Variants in SIPA1L2 observed in about 807,000 individuals in gnomAD.
SIPA1L2 encodes signal-induced proliferation-associated 1-like protein 2.
Under a neutral mutation model 163.9 loss-of-function variants are expected in SIPA1L2, and 56 were observed. That is an observed-to-expected ratio of 0.34 (90% confidence interval 0.28 to 0.43). The LOEUF is 0.43. SIPA1L2 is among the 20% of genes least tolerant of loss of function. SIPA1L2 has a pLI of 1.00. For synonymous variants in SIPA1L2, 877 were observed against 865.7 expected (o/e 1.01, Z -0.23); for missense variants, 1,974 against 2,193.5 (o/e 0.90, Z 2.00).
intron 2 of SIPA1L2, among the ~76,000 whole-genome samples, chr1:232,528,102 A>ATATAT (rs34779799): frequency 6.8e-5 from 8 of 118,490 alleles, no homozygotes; most frequent in African/African-American, 1.4e-4. Flanking sequence ...ATATATATAT[A>ATATAT]ATCAACTTTC....
rs1012264291 is a variant in SIPA1L2 at position 232,572,714 on chromosome 1, T to C, written c.-270+1460A>G. Among the ~76,000 whole-genome samples the C allele has an allele frequency of 3.8e-4, 28 of 73,402 alleles. 1 individual carries two copies. The highest frequency in any genetic ancestry group is 7.7e-4 in the South Asian group (1 of 1,304). 48.2% of individuals were successfully genotyped at this position (73,402 alleles called of 152,430 possible). A position where few individuals can be genotyped will look rare whatever the true frequency, so the allele number is the denominator to read the frequency against. ...ACATACATATATATATATATATATA[T>C]ATACACACATATATACATACATACA... On this transcript the variant is annotated intron_variant, in intron 2 of 22. Transcript: ENST00000674635.
intron 1 of SIPA1L2, among the ~76,000 whole-genome samples, chr1:232,598,220 A>G (rs1299641621): frequency 1.5e-5 from 2 of 134,842 alleles, no homozygotes; most frequent in African/African-American, 5.3e-5. Context: ...TGGGCAACAT[A>G]GTGAAACCCT....
At chr1:232,399,336 T>C in intron 22 of SIPA1L2, 63 bp from the exon 23 acceptor site, 1 of 1,545,678 alleles carries the variant, frequency 6.5e-7, no homozygotes. Flanking sequence ...CCTCCTAAGC[T>C]GGGCTACGAG....
chr1:232,541,495 C>T (rs1015826356), intron 2 of SIPA1L2, among the ~76,000 whole-genome samples: 1 of 152,172 alleles, frequency 6.6e-6, no homozygotes, highest in Admixed American at 6.5e-5. Flanking sequence ...TTTGATGAAC[C>T]AGATAGATAA....
intron 1 of SIPA1L2, among the ~76,000 whole-genome samples, chr1:232,627,145 C>T (rs529234498): frequency 2.6e-5 from 4 of 152,252 alleles, no homozygotes; most frequent in East Asian, 1.9e-4. Context: ...CCTCAACTAC[C>T]ACCATAAATT....
chr1:232,439,401 G>C lies in SIPA1L2; in HGVS notation c.3738C>G (p.Asp1246Glu). Reference protein sequence around the residue: ...NSDDKHFGSGDLMDPELLGLT... With the variant: ...NSDDKHFGSGELMDPELLGLT... ...GCCCCAGTAATTCGGGGTCCATCAGGTCGCCAGACCCAAAGTGCTTGTCGT... is the reference window on the plus strand; with the variant it reads ...GCCCCAGTAATTCGGGGTCCATCAGCTCGCCAGACCCAAAGTGCTTGTCGT... Residue 1246 changes from aspartate to glutamate, a missense_variant, in exon 15 of 23, where the codon GAC becomes GAG. Coordinates refer to ENST00000674635, the MANE Select transcript of SIPA1L2 (RefSeq NM_020808.5). 1 of 1,614,230 alleles carries C rather than the reference G, an allele frequency of 6.2e-7. No individual in the cohort carries two copies. Among genetic ancestry groups the C allele is most frequent in the African/African-American group, 1.3e-5 (1 of 75,064 alleles).
intron 5 of SIPA1L2, among the ~76,000 whole-genome samples, chr1:232,485,259 T>C (rs1163310281): frequency 1.3e-5 from 2 of 152,234 alleles, no homozygotes; most frequent in Non-Finnish European, 2.9e-5. Flanking sequence ...TGCTATGGCA[T>C]TGCAGTTCAT....
At chr1:232,589,467 A>G (rs1379630855) in intron 1 of SIPA1L2, among the ~76,000 whole-genome samples, 3 of 152,204 alleles carry the variant, frequency 2.0e-5, no homozygotes, top group South Asian at 2.1e-4. Context: ...CTGCCAATTA[A>G]TTACCATAGT....
rs370635949 is a variant in SIPA1L2 at position 232,409,251 on chromosome 1, T to C, written c.4763-5073A>G. On this transcript the variant is annotated intron_variant, in intron 19 of 22. Coordinates refer to ENST00000674635, the MANE Select transcript of SIPA1L2 (RefSeq NM_020808.5). ...ATTCAGGAAGCACCGTCATCTTTAC[T>C]ATGAAGCTTTCTATCCATTTCTAGT... Among the ~76,000 whole-genome samples the C allele has an allele frequency of 1.8e-4, 28 of 152,388 alleles. No homozygotes were observed. In the East Asian group the frequency reaches 5.4e-3, roughly 29 times the overall value.
chr1:232,447,772 A>C (rs1663303390), intron 10 of SIPA1L2, among the ~76,000 whole-genome samples: 1 of 152,248 alleles, frequency 6.6e-6, no homozygotes, highest in Admixed American at 6.5e-5. Context: ...CTAGGACAGA[A>C]CTGATCGAAC....
At chr1:232,452,936 C>T (rs617545) in intron 10 of SIPA1L2, among the ~76,000 whole-genome samples, 150,254 of 152,326 alleles carry the variant, frequency 0.99, 74,105 homozygotes, top group East Asian at 1. Flanking sequence ...AAGAAGTTCA[C>T]TACAAATAGA....
chr1:232,548,672 A>G (rs868693613), intron 2 of SIPA1L2, among the ~76,000 whole-genome samples: 1 of 152,196 alleles, frequency 6.6e-6, no homozygotes, highest in South Asian at 2.1e-4. Flanking sequence ...GAGTAGTGAA[A>G]AGAGGGACAC....
chr1:232,459,137 T>C (rs1187026429), intron 10 of SIPA1L2, among the ~76,000 whole-genome samples: 1 of 152,232 alleles, frequency 6.6e-6, no homozygotes, highest in Non-Finnish European at 1.5e-5. Flanking sequence ...AGGAAGACAG[T>C]GTAAGTGGCT....
At chr1:232,526,466 G>A (rs1667712661) in intron 2 of SIPA1L2, among the ~76,000 whole-genome samples, 1 of 152,188 alleles carries the variant, frequency 6.6e-6, no homozygotes, top group Non-Finnish European at 1.5e-5. Flanking sequence ...ACATTAGAGT[G>A]CTCAACCTAA....
At chr1:232,628,591 A>T (rs1336865698) in intron 1 of SIPA1L2, among the ~76,000 whole-genome samples, 3 of 152,262 alleles carry the variant, frequency 2.0e-5, no homozygotes, top group Non-Finnish European at 4.4e-5. Context: ...AACTTTGGGA[A>T]TGCCAAAAAT....
chr1:232,485,127 GT>G (rs1212632607), intron 5 of SIPA1L2, among the ~76,000 whole-genome samples: 1 of 152,180 alleles, frequency 6.6e-6, no homozygotes, highest in African/African-American at 2.4e-5. Flanking sequence ...AGTTGAGCAG[GT>G]AGAGTCAACT....
intron 1 of SIPA1L2, among the ~76,000 whole-genome samples, chr1:232,583,753 G>A (rs1660504982): frequency 1.3e-5 from 2 of 152,140 alleles, no homozygotes; most frequent in Admixed American, 6.5e-5. Context: ...ACAACTACAG[G>A]TGTCCATGAA....
rs139077408 is a variant in SIPA1L2, at chr1:232,545,957, A to G, written c.-270+28217T>C. On this transcript the variant is annotated intron_variant, in intron 2 of 22. Coordinates refer to ENST00000674635, the MANE Select transcript of SIPA1L2 (RefSeq NM_020808.5). ...CAGAATGTAAATTATGTACAGACCA[A>G]GAAGTTTCTTTCTTCCCTTCTCTTT... is the stretch of plus-strand genomic sequence containing the variant. Among the ~76,000 whole-genome samples the G allele has an allele frequency of 1.9e-3, 288 of 152,372 alleles. 1 individual carries two copies. Among genetic ancestry groups the G allele is most frequent in the African/African-American group, 6.5e-3 (269 of 41,586 alleles).
chr1:232,543,629 G>A (rs1316281691), intron 2 of SIPA1L2, among the ~76,000 whole-genome samples: 4 of 152,164 alleles, frequency 2.6e-5, no homozygotes, highest in Admixed American at 2.6e-4. Context: ...AAGGCTTTGC[G>A]AGGCTGAGGA....
Sources: allele counts gnomAD v4.1 joint callset (sites outside exome capture counted in the v4.1 genomes callset), GRCh38; gene constraint gnomAD v4.1.1; transcripts MANE v1.5; gene names NCBI Gene and HGNC (gene_info 2026-07-23, HGNC 2026-07-21).